DYSF: variants seen among roughly 807,000 people sequenced by gnomAD.
DYSF encodes the protein dystrophy-associated fer-1-like 1.
Under a neutral mutation model 274.9 loss-of-function variants are expected in DYSF, and 212 were observed. That is an observed-to-expected ratio of 0.77 (90% CI 0.69 to 0.86). The LOEUF (loss-of-function observed/expected upper bound fraction) is 0.86, where lower values mean the gene tolerates loss of function less well. Ranked by LOEUF, DYSF falls within the 40% of genes least tolerant of loss-of-function variation. The pLI, the probability that DYSF is intolerant of heterozygous loss-of-function variation, is 0.00. For missense variants in DYSF, 2,666 were observed against 2,783.2 expected (o/e 0.96, Z 0.95); for synonymous variants, 1,091 against 1,078.7 (o/e 1.01, Z -0.22).
At chr2:71,595,192 AC>A (rs1180492832) in intron 32 of DYSF, among the ~76,000 whole-genome samples, 2 of 152,226 alleles carry the variant, frequency 1.3e-5, no homozygotes, top group Admixed American at 6.5e-5. Context: ...AAAGGAGAGT[AC>A]CTATTTCATC....
chr2:71,593,356 C>T (rs1388218818), intron 32 of DYSF, among the ~76,000 whole-genome samples: 1 of 152,086 alleles, frequency 6.6e-6, no homozygotes, highest in African/African-American at 2.4e-5. Context: ...GTCTTGAACT[C>T]CTGACCTCAG....
chr2:71,575,457 C>T (rs1025790756), intron 30 of DYSF, among the ~76,000 whole-genome samples: 25 of 152,072 alleles, frequency 1.6e-4, no homozygotes, highest in Non-Finnish European at 4.4e-5. Context: ...GCAGAGCTCT[C>T]GGCTCTCTGG....
intron 41 of DYSF, among the ~76,000 whole-genome samples, chr2:71,639,462 C>G (rs931935013): frequency 6.6e-6 from 1 of 152,148 alleles, no homozygotes; most frequent in East Asian, 1.9e-4. Flanking sequence ...CTATGAACTT[C>G]TGGGGTTTAG....
intron 45 of DYSF, among the ~76,000 whole-genome samples, chr2:71,663,047 A>ATATTTGTGTGTGTATGTCTGTGTC (rs1306479068): frequency 6.3e-5 from 9 of 142,828 alleles, no homozygotes; most frequent in South Asian, 2.2e-4. Flanking sequence ...GTGTGCGCGC[A>ATATTTGTGTGTGTATGTCTGTGTC]CGCGCGTGGT....
intron 30 of DYSF, among the ~76,000 whole-genome samples, chr2:71,574,716 TGA>T (rs2092643334): frequency 6.6e-6 from 1 of 151,170 alleles, no homozygotes; most frequent in Non-Finnish European, 1.5e-5. Context: ...ATGGGAGGAG[TGA>T]GAGAGTTCTT....
intron 41 of DYSF, among the ~76,000 whole-genome samples, chr2:71,639,300 T>C (rs2094452816): frequency 6.6e-6 from 1 of 152,242 alleles, no homozygotes; most frequent in African/African-American, 2.4e-5. Flanking sequence ...ATTGGTAGTG[T>C]ATTTTGAAGC....
At chr2:71,457,422 C>T (rs2081113044) in intron 1 of DYSF, among the ~76,000 whole-genome samples, 3 of 152,076 alleles carry the variant, frequency 2.0e-5, no homozygotes, top group African/African-American at 7.2e-5. Context: ...CCACAATATC[C>T]CCAGCTTTAA....
intron 16 of DYSF, among the ~76,000 whole-genome samples, chr2:71,538,659 A>G (rs1244546760): frequency 6.6e-6 from 1 of 152,236 alleles, no homozygotes; most frequent in Non-Finnish European, 1.5e-5. Flanking sequence ...AGATACAAAA[A>G]GGAATCGTGT....
rs142483266 is a variant in DYSF, at chr2:71,656,164, C to G, written c.4629C>G (p.Val1543=). Residue 1543 remains valine (V), a splice_region_variant and synonymous_variant, in exon 43 of 56, where the codon GTC becomes GTG. Transcript: ENST00000410020. ...CCTCTAATCCCCATGTGTGGCAGGT[C>G]TATGACACACAGCTGGAGAATGTGG... ...YLEKDFDTLK[V]YDTQLENVEA... is the part of the protein sequence containing the mutation. 1.6e-3 allele frequency: 2,562 copies of G among 1,613,974 alleles called. 7 individuals are homozygous for G. The highest frequency in any genetic ancestry group is 2.0e-3 in the Non-Finnish European group (2,396 of 1,180,024).
upstream of DYSF, among the ~76,000 whole-genome samples, chr2:71,465,338 C>T (rs767471243): frequency 3.9e-5 from 6 of 152,136 alleles, no homozygotes; most frequent in Admixed American, 6.5e-5. Flanking sequence ...ATGCCGAGGG[C>T]GGGCGTTAGA....
intron 41 of DYSF, among the ~76,000 whole-genome samples, chr2:71,634,461 TG>T: frequency 6.6e-6 from 1 of 152,288 alleles, no homozygotes; most frequent in East Asian, 1.9e-4. Context: ...TTCTTATGGC[TG>T]TGCTAACTTA....
intron 17 of DYSF, among the ~76,000 whole-genome samples, chr2:71,550,128 C>T (rs889916645): frequency 5.3e-5 from 8 of 152,346 alleles, no homozygotes; most frequent in Admixed American, 1.3e-4. Context: ...CTGATTGGGT[C>T]GTTCCAGAGG....
At chr2:71,564,019 G>A (rs750588957) in intron 23 of DYSF, 39 bp from the exon 24 acceptor site, 1 of 1,612,810 alleles carries the variant, frequency 6.2e-7, no homozygotes, top group Non-Finnish European at 8.5e-7. Context: ...TGGGCCTGGT[G>A]TGTCACCATC....
chr2:71,651,553 G>C (rs1326276656), intron 42 of DYSF, among the ~76,000 whole-genome samples: 1 of 152,114 alleles, frequency 6.6e-6, no homozygotes, highest in African/African-American at 2.4e-5. Context: ...GCTGGAGCCA[G>C]GGAATTATAA....
chr2:71,572,759 C>A (rs1182710489), intron 29 of DYSF, among the ~76,000 whole-genome samples: 4 of 152,198 alleles, frequency 2.6e-5, no homozygotes, highest in African/African-American at 9.6e-5. Flanking sequence ...TTTCCTTTAG[C>A]ATGGGGGTTC....
Position 71,570,757 on chromosome 2 carries a change from G to A in DYSF, c.3228+16G>A, listed in dbSNP as rs1304572789. The A allele has an allele frequency of 1.2e-6, 2 of 1,613,102 alleles. No individual in the cohort carries two copies. The highest frequency in any genetic ancestry group is 2.7e-5 in the African/African-American group (2 of 74,910). ...ACTGAAAAGGGTGAGCCAGCAGGTG[G>A]TGGGTGGGAGTGAGGCCTGTGGTCA... On this transcript the variant is annotated intron_variant, in intron 29 of 55. Coordinates refer to ENST00000410020, the MANE Select transcript of DYSF (RefSeq NM_001130987.2).
Position 71,660,550 on chromosome 2 carries a change from C to G in DYSF, c.4912-10C>G. The stretch of plus-strand genomic sequence containing the variant: ...GTGTTTTCACAGAAGTGTTTTGTCT[C>G]CTCCTCCAGTGTGATCCTTACATCA... On this transcript the variant is annotated splice_polypyrimidine_tract_variant and intron_variant, in intron 44 of 55. Transcript: ENST00000410020. 1 of 1,611,856 alleles carries G rather than the reference C, an allele frequency of 6.2e-7. No individual in the cohort carries two copies. The highest frequency in any genetic ancestry group is 8.5e-7 in the Non-Finnish European group (1 of 1,177,976).
intron 40 of DYSF, among the ~76,000 whole-genome samples, chr2:71,618,924 GGC>G (rs1491552147): frequency 8.4e-4 from 128 of 151,514 alleles, no homozygotes; most frequent in African/African-American, 3.0e-3. Context: ...CAGGCTCCCA[GGC>G]GCTGGGGCTG....
intron 42 of DYSF, among the ~76,000 whole-genome samples, chr2:71,645,191 G>A (rs1344895684): frequency 6.6e-6 from 1 of 152,208 alleles, no homozygotes; most frequent in African/African-American, 2.4e-5. Context: ...TGTATCCCGG[G>A]GTTTCTTGCC....
Sources: gnomAD v4.1 joint callset for allele counts (sites outside exome capture counted in the v4.1 genomes callset) on GRCh38, gnomAD v4.1.1 for gene constraint, MANE v1.5 for transcripts, NCBI Gene and HGNC (gene_info 2026-07-23, HGNC 2026-07-21) for gene names.